The following NFU1 variants were observed in gnomAD, a reference collection of about 807,000 sequenced individuals.
NFU1 encodes the protein NFU1 iron-sulfur cluster scaffold homolog, mitochondrial.
NFU1 carries 30 observed loss-of-function variants against 32.2 expected under a neutral mutation model. The ratio of observed to expected loss-of-function variants is 0.93; its 90% CI spans 0.70 to 1.26. NFU1 has a LOEUF of 1.26. NFU1 is among the 50% of genes most tolerant of loss of function. The pLI is 0.00. For missense variants in NFU1, 306 were observed against 306.6 expected (o/e 1.00, Z 0.02); for synonymous variants, 112 against 104.6 (o/e 1.07, Z -0.43).
Position 69,399,348 on chromosome 2 carries a change from C to G in NFU1, c.720+1016G>C, listed in dbSNP as rs1558805264. On this transcript the variant is annotated intron_variant, in intron 7 of 7. Coordinates refer to ENST00000410022, the MANE Select transcript of NFU1 (RefSeq NM_001002755.4). The stretch of plus-strand genomic sequence containing the variant: ...GGTTGAGAATCACTGCAGTGAGACT[C>G]ATTATTACTGATGACAAGGTGCTGT... 1.1e-5 allele frequency: 5 copies of G among 455,562 alleles called. No individual in the cohort carries two copies. The Admixed American group carries it at 1.2e-4, about 11-fold the overall frequency. 28.2% of individuals were successfully genotyped at this position (455,562 alleles called of 1,614,324 possible).
chr2:69,415,735 A>G (rs1335103654), intron 4 of NFU1, among the ~76,000 whole-genome samples: 1 of 152,094 alleles, frequency 6.6e-6, no homozygotes, highest in Admixed American at 6.6e-5. Flanking sequence ...CAGCATTTTG[A>G]GAGGTCGAAG....
intron 6 of NFU1, among the ~76,000 whole-genome samples, chr2:69,402,911 G>GAA (rs1320240182): frequency 7.0e-6 from 1 of 143,026 alleles, no homozygotes; most frequent in Admixed American, 7.0e-5. Context: ...TCCCGTTGGG[G>GAA]AAAAAAAAAA....
chr2:69,424,170 CAAAAAAAAAAAAAAAAAA>C (rs57078704), intron 2 of NFU1, among the ~76,000 whole-genome samples: 4 of 42,926 alleles, frequency 9.3e-5, no homozygotes, highest in Non-Finnish European at 1.1e-4. Context: ...GACTCTGTCT[CAAAAAAAAAAAAAAAAAA>C]AAAAAAAAAA....
intron 6 of NFU1, among the ~76,000 whole-genome samples, chr2:69,405,012 G>A (rs1672651600): frequency 6.6e-6 from 1 of 150,908 alleles, no homozygotes; most frequent in Admixed American, 6.6e-5. Context: ...ACTTTGAGAA[G>A]TTGAGGTGGG....
At chr2:69,418,191 G>C (rs2104778412) in intron 4 of NFU1, among the ~76,000 whole-genome samples, 1 of 152,268 alleles carries the variant, frequency 6.6e-6, no homozygotes, top group Middle Eastern at 3.4e-3. Context: ...TTTGAGCTCA[G>C]AAATTTGAGA....
At chr2:69,422,851 G>A (rs1229434829) in intron 3 of NFU1, among the ~76,000 whole-genome samples, 1 of 152,030 alleles carries the variant, frequency 6.6e-6, no homozygotes, top group Non-Finnish European at 1.5e-5. Flanking sequence ...TAGTAGCTGG[G>A]AATACAGACA....
intron 2 of NFU1, chr2:69,430,018 G>T: frequency 3.1e-6 from 1 of 325,382 alleles, no homozygotes; most frequent in Admixed American, 4.1e-5. Context: ...AACATAGTGA[G>T]ACCCTGCCTC....
At chr2:69,437,339 G>A (rs748919626) in intron 1 of NFU1, 22 bp downstream of exon 1, 2 of 1,601,962 alleles carry the variant, frequency 1.2e-6, no homozygotes, top group Non-Finnish European at 1.7e-6. Flanking sequence ...CACCTATTCG[G>A]AGCTCCAGGC....
intron 7 of NFU1, 60 bp downstream of exon 7, chr2:69,400,304 T>A (rs745306483): frequency 1.4e-6 from 2 of 1,434,944 alleles, no homozygotes; most frequent in South Asian, 1.2e-5. Flanking sequence ...CCAGCCTTTG[T>A]ATCTACAAAG....
At chr2:69,396,393 G>A in intron 7 of NFU1, 103 bp from the exon 8 acceptor site, 1 of 770,992 alleles carries the variant, frequency 1.3e-6, no homozygotes, top group Non-Finnish European at 2.2e-6. Context: ...ACTCTATAAT[G>A]AGGCATGACA....
At chr2:69,402,193 C>A (rs1672545449) in intron 6 of NFU1, among the ~76,000 whole-genome samples, 1 of 152,198 alleles carries the variant, frequency 6.6e-6, no homozygotes, top group Admixed American at 6.5e-5. Context: ...CTGCGCCCAG[C>A]CACTATTTGA....
chr2:69,411,740 G>A (rs117326992), intron 5 of NFU1, among the ~76,000 whole-genome samples: 10 of 152,068 alleles, frequency 6.6e-5, no homozygotes, highest in East Asian at 3.9e-4. Flanking sequence ...CTACATGCAC[G>A]CATCACCATG....
chr2:69,418,503 G>A (rs2104779209), intron 4 of NFU1, among the ~76,000 whole-genome samples: 1 of 152,016 alleles, frequency 6.6e-6, no homozygotes, highest in Admixed American at 6.5e-5. Flanking sequence ...GTCTCGCTCT[G>A]TCGCCCAGGC....
intron 6 of NFU1, among the ~76,000 whole-genome samples, chr2:69,401,331 T>C (rs1267253274): frequency 6.6e-6 from 1 of 152,214 alleles, no homozygotes; most frequent in Non-Finnish European, 1.5e-5. Context: ...CTCTGAACTT[T>C]ATAATTTACA....
At chr2:69,422,734 G>T (rs1673287600) in intron 3 of NFU1, among the ~76,000 whole-genome samples, 1 of 151,770 alleles carries the variant, frequency 6.6e-6, no homozygotes, top group Non-Finnish European at 1.5e-5. Flanking sequence ...TTGAGGCAGG[G>T]TCTCACTCGC....
chr2:69,412,779 G>A (rs13383272), intron 5 of NFU1, among the ~76,000 whole-genome samples: 66,739 of 150,362 alleles, frequency 0.44, 15,080 homozygotes, highest in African/African-American at 0.52. Context: ...GATTGCTTAA[G>A]CCTGGGAAGC....
intron 5 of NFU1, among the ~76,000 whole-genome samples, chr2:69,413,587 C>T (rs996040891): frequency 1.3e-5 from 2 of 151,908 alleles, no homozygotes; most frequent in Non-Finnish European, 2.9e-5. Flanking sequence ...ATGGCAAAAC[C>T]CCCTCTACTA....
chr2:69,420,648 C>T (rs979253264), intron 3 of NFU1, among the ~76,000 whole-genome samples: 4 of 152,140 alleles, frequency 2.6e-5, no homozygotes, highest in Non-Finnish European at 5.9e-5. Flanking sequence ...ATGTCTATGA[C>T]AGTAAATACA....
At chr2:69,430,864 A>G (rs1447179152) in intron 2 of NFU1, among the ~76,000 whole-genome samples, 1 of 152,212 alleles carries the variant, frequency 6.6e-6, no homozygotes, top group Non-Finnish European at 1.5e-5. Flanking sequence ...AATCAGCCAG[A>G]GTATGGCCAC....
Sources: gnomAD v4.1 joint callset for allele counts (sites outside exome capture counted in the v4.1 genomes callset) on GRCh38, gnomAD v4.1.1 for gene constraint, MANE v1.5 for transcripts, NCBI Gene and HGNC (gene_info 2026-07-23, HGNC 2026-07-21) for gene names.